PREX1: variants seen among roughly 807,000 people sequenced by gnomAD.
The protein encoded by PREX1 is phosphatidylinositol-3,4,5-trisphosphate dependent Rac exchange factor 1.
In PREX1, 41 loss-of-function variants were observed where a neutral mutation model predicts 198.3. The observed-to-expected ratio is 0.21, with a 90% confidence interval of 0.16 to 0.27. PREX1 has a LOEUF of 0.27. Among genes scored for constraint, PREX1 ranks in the 10% least tolerant of loss-of-function variants. PREX1 has a pLI of 1.00. For synonymous variants in PREX1, 843 were observed against 887.2 expected, an observed-to-expected ratio of 0.95 and a Z score of 0.89; for missense variants, 1,620 against 2,200.7, an observed-to-expected ratio of 0.74 and a Z score of 5.28.
rs771395193 is a variant in PREX1, at chr20:48,827,279, A to G, written c.219+363T>C. On this transcript the variant is annotated intron_variant, in intron 1 of 39. Transcript: ENST00000371941. The surrounding 1 kb of genome is among the most constrained non-coding windows in gnomAD (Gnocchi z 4.1). ...CCGGGCGCGTAGTTATTCCTGGGAA[A>G]AAGACGCAGGAGCGCCAGCTCCCGG... 6.6e-6 allele frequency among the ~76,000 whole-genome samples: 1 copy of G among 152,258 alleles called. No individual in the cohort carries two copies. Among genetic ancestry groups the G allele is most frequent in the Non-Finnish European group, 1.5e-5 (1 of 68,046 alleles).
intron 1 of PREX1, among the ~76,000 whole-genome samples, chr20:48,773,792 G>GGA (rs1196585358): frequency 1.3e-5 from 2 of 152,178 alleles, no homozygotes; most frequent in African/African-American, 4.8e-5. Context: ...TGGGAGCCAT[G>GGA]GAGGGTTCTG....
At chr20:48,791,773 A>G (rs1470750996) in intron 1 of PREX1, among the ~76,000 whole-genome samples, 1 of 152,232 alleles carries the variant, frequency 6.6e-6, no homozygotes, top group Non-Finnish European at 1.5e-5. Context: ...TTTGGCCCAC[A>G]GTCATGTTTG....
intron 3 of PREX1, among the ~76,000 whole-genome samples, chr20:48,736,594 A>G (rs1247022820): frequency 6.6e-6 from 1 of 152,180 alleles, no homozygotes; most frequent in Non-Finnish European, 1.5e-5. Flanking sequence ...ATCAAGGCCA[A>G]AAGAGCTGGG....
At chr20:48,673,390 G>A (rs1044324812) in intron 14 of PREX1, among the ~76,000 whole-genome samples, 1 of 152,106 alleles carries the variant, frequency 6.6e-6, no homozygotes, top group African/African-American at 2.4e-5. Flanking sequence ...TCTCAGACCC[G>A]ACGTCCTGTT....
chr20:48,883,063 G>A, the PREX1 span, among the ~76,000 whole-genome samples: 2 of 151,754 alleles, frequency 1.3e-5, no homozygotes. Flanking sequence ...CCTCCAGGCA[G>A]CTGGAATTAC....
At chr20:48,807,162 A>G (rs1196804914) in intron 1 of PREX1, among the ~76,000 whole-genome samples, 3 of 152,226 alleles carry the variant, frequency 2.0e-5, no homozygotes, top group African/African-American at 4.8e-5. Context: ...GCAATGCCAA[A>G]AAAGTATACA....
At chr20:48,817,577 G>T (rs974497396) in intron 1 of PREX1, among the ~76,000 whole-genome samples, 2 of 149,638 alleles carry the variant, frequency 1.3e-5, no homozygotes, top group African/African-American at 4.8e-5. Context: ...CAGCTGCTGA[G>T]GCGCAGAGAT....
chr20:48,632,636 G>T lies in PREX1; in HGVS notation c.4271C>A (p.Thr1424Asn), dbSNP rs1321902633. ...KQLDENYVAN[T>N]NVFYHIEGSR... ...GCCCTCAATGTGGTAGAAGACGTTGGTGTCTGCGGAAGGATATGGGGCAGG... is the reference window on the plus strand; with the variant it reads ...GCCCTCAATGTGGTAGAAGACGTTGTTGTCTGCGGAAGGATATGGGGCAGG... Residue 1424 changes from threonine (T) to asparagine (N), a missense_variant, in exon 34 of 40, where the codon ACC becomes AAC. Coordinates refer to ENST00000371941, the MANE Select transcript of PREX1 (RefSeq NM_020820.4). The T allele has an allele frequency of 6.2e-7, 1 of 1,613,702 alleles. No homozygotes were observed. The highest frequency in any genetic ancestry group is 1.3e-5 in the African/African-American group (1 of 75,030).
rs779480734 is a variant in PREX1 at position 48,650,210 on chromosome 20, A to T, written c.2818-4T>A. 4.7e-5 allele frequency: 75 copies of T among 1,607,518 alleles called. No individual in the cohort carries two copies. Among genetic ancestry groups the T allele is most frequent in the Non-Finnish European group, 6.1e-5 (72 of 1,175,224 alleles). ...TGCTCTTCAGTTGGGCTGCAAACTG[A>T]GAAAGTGGAGGCCGTAAGGTCGTGA... On this transcript the variant is annotated splice_polypyrimidine_tract_variant and splice_region_variant and intron_variant, in intron 23 of 39. Coordinates refer to ENST00000371941, the MANE Select transcript of PREX1 (RefSeq NM_020820.4).
chr20:48,645,166 C>A (rs181381477), intron 26 of PREX1, among the ~76,000 whole-genome samples: 1 of 152,130 alleles, frequency 6.6e-6, no homozygotes, highest in African/African-American at 2.4e-5. Flanking sequence ...ATTCACGCTG[C>A]GAGGACTGGG....
the PREX1 span, among the ~76,000 whole-genome samples, chr20:48,869,061 A>G: frequency 1.6e-4 from 24 of 151,674 alleles, no homozygotes; most frequent in Non-Finnish European, 2.9e-4. Context: ...ATTTGTAGAG[A>G]TGGGGGTCTC....
intron 1 of PREX1, among the ~76,000 whole-genome samples, chr20:48,805,305 T>A (rs1312558788): frequency 6.6e-6 from 1 of 152,162 alleles, no homozygotes; most frequent in East Asian, 1.9e-4. Flanking sequence ...ATCACCCAGA[T>A]AAGAAACTGA....
chr20:48,884,464 A>G, the PREX1 span, among the ~76,000 whole-genome samples: 1 of 152,238 alleles, frequency 6.6e-6, no homozygotes, highest in Non-Finnish European at 1.5e-5. Context: ...TGGTCACGTG[A>G]AAACAATGAG....
chr20:48,768,771 C>T (rs550794151), intron 1 of PREX1, among the ~76,000 whole-genome samples: 109 of 149,996 alleles, frequency 7.3e-4, no homozygotes, highest in African/African-American at 2.5e-3. Flanking sequence ...CGAGACTCTG[C>T]CTCAAAAAAA....
At chr20:48,875,146 G>A in the PREX1 span, among the ~76,000 whole-genome samples, 2 of 152,190 alleles carry the variant, frequency 1.3e-5, no homozygotes, top group African/African-American at 2.4e-5. Flanking sequence ...AGCAGCATCC[G>A]GTGTGACATG....
At chr20:48,789,441 G>A (rs1056581617) in intron 1 of PREX1, among the ~76,000 whole-genome samples, 8 of 89,286 alleles carry the variant, frequency 9.0e-5, no homozygotes, top group African/African-American at 5.0e-4. Context: ...CTCTAAGCAC[G>A]TTCATATGGT....
chr20:48,852,376 A>C, the PREX1 span, among the ~76,000 whole-genome samples: 15,340 of 152,160 alleles, frequency 0.1, 878 homozygotes, highest in Middle Eastern at 0.16. Context: ...AGATCCTCCC[A>C]AAATGCTTAT....
intron 29 of PREX1, among the ~76,000 whole-genome samples, chr20:48,640,922 G>A (rs1313150730): frequency 1.3e-5 from 2 of 151,434 alleles, no homozygotes; most frequent in African/African-American, 4.9e-5. Flanking sequence ...TGGTAAGTGG[G>A]TAGTTGGGTG....
intron 33 of PREX1, among the ~76,000 whole-genome samples, chr20:48,634,314 G>A (rs1046928716): frequency 3.3e-5 from 5 of 152,166 alleles, no homozygotes; most frequent in African/African-American, 7.2e-5. Flanking sequence ...GTGAGGACAC[G>A]AGCAAGGGAG....
Sources: allele counts gnomAD v4.1 joint callset (sites outside exome capture counted in the v4.1 genomes callset), GRCh38; gene constraint gnomAD v4.1.1; non-coding constraint Gnocchi (gnomAD v3.1); transcripts MANE v1.5; gene names NCBI Gene and HGNC (gene_info 2026-07-23, HGNC 2026-07-21).